PRKX: variants seen among roughly 807,000 people sequenced by gnomAD.
PRKX encodes cAMP-dependent protein kinase catalytic subunit PRKX.
Under a neutral mutation model 22.0 loss-of-function variants are expected in PRKX, and 12 were observed. That is an observed-to-expected ratio of 0.54 (90% confidence interval 0.35 to 0.88). The LOEUF (loss-of-function observed/expected upper bound fraction) is 0.88. Ranked by LOEUF, PRKX falls within the 40% of genes least tolerant of loss-of-function variation. The pLI is 0.01. For synonymous variants in PRKX, 134 were observed against 137.7 expected, an observed-to-expected ratio of 0.97 and a Z score of 0.19; for missense variants, 217 against 308.0, an observed-to-expected ratio of 0.70 and a Z score of 2.21.
chrX:3,693,453 G>A lies in PRKX; in HGVS notation c.167-18687C>T, dbSNP rs187828749. Among the ~76,000 whole-genome samples the A allele has an allele frequency of 1.3e-4, 14 of 111,124 alleles. No individual in the cohort carries two copies. The East Asian group carries it at 2.9e-3, about 23-fold the overall frequency. The stretch of plus-strand genomic sequence containing the variant: ...GGGCATCTACGCAGTGAGTGCTGCC[G>A]ACTTAGGCAAGGTGTGCAGGTGCAC... On this transcript the variant is annotated intron_variant, in intron 1 of 8. Coordinates refer to ENST00000262848, the MANE Select transcript of PRKX (RefSeq NM_005044.5).
At chrX:3,645,734 A>G (rs950848925) in intron 3 of PRKX, among the ~76,000 whole-genome samples, 2 of 111,595 alleles carry the variant, frequency 1.8e-5, no homozygotes, top group Non-Finnish European at 3.8e-5. Flanking sequence ...AGAGTTCCAG[A>G]CCAGCCAAGG....
At chrX:3,623,821 G>A (rs1926607829) in intron 5 of PRKX, among the ~76,000 whole-genome samples, 1 of 111,505 alleles carries the variant, frequency 9.0e-6, no homozygotes, top group African/African-American at 3.3e-5. Context: ...TTCAGGTGTT[G>A]TAAAAAACAC....
In PRKX at chrX:3,658,993, G is replaced by A. The variant is rs180752066; in HGVS notation, c.336-3581C>T. 2.2e-3 allele frequency among the ~76,000 whole-genome samples: 240 copies of A among 111,343 alleles called. 1 individual carries two copies. Among genetic ancestry groups the A allele is most frequent in the African/African-American group, 7.2e-3 (222 of 30,692 alleles). ...CTAAGAAAAATCATAGGCTGGGCAC[G>A]GCGGCTCAATGCCTGTCATTCCAGC... On this transcript the variant is annotated intron_variant, in intron 2 of 8. Coordinates refer to ENST00000262848, the MANE Select transcript of PRKX (RefSeq NM_005044.5).
chrX:3,708,118 G>C (rs896740252), intron 1 of PRKX, among the ~76,000 whole-genome samples: 1 of 111,225 alleles, frequency 9.0e-6, no homozygotes, highest in Non-Finnish European at 1.9e-5. Flanking sequence ...GAGGTGATGA[G>C]GTCGTGAGGT....
chrX:3,678,128 C>A (rs1438255881), intron 1 of PRKX, among the ~76,000 whole-genome samples: 1 of 111,804 alleles, frequency 8.9e-6, no homozygotes, highest in African/African-American at 3.3e-5. Flanking sequence ...ATCAGGAACA[C>A]TGGCATCCAA....
chrX:3,634,392 T>C (rs1273139679), intron 4 of PRKX, among the ~76,000 whole-genome samples: 1 of 110,051 alleles, frequency 9.1e-6, no homozygotes, highest in Admixed American at 9.8e-5. Flanking sequence ...TGTGTGAGGG[T>C]TGGGGCAGAG....
chrX:3,693,800 T>C (rs1398074015), intron 1 of PRKX, among the ~76,000 whole-genome samples: 5 of 106,685 alleles, frequency 4.7e-5, no homozygotes, highest in Admixed American at 1.0e-4. Context: ...ATTAGCCGGG[T>C]GTGGTGGCGG....
chrX:3,700,265 T>TGGAAAAAAC (rs1928531435), intron 1 of PRKX, among the ~76,000 whole-genome samples: 1 of 110,732 alleles, frequency 9.0e-6, no homozygotes, highest in Non-Finnish European at 1.9e-5. Flanking sequence ...CTAAAACGAG[T>TGGAAAAAAC]GGAAAAAACG....
intron 1 of PRKX, among the ~76,000 whole-genome samples, chrX:3,698,290 T>C (rs1444550656): frequency 9.0e-6 from 1 of 111,331 alleles, no homozygotes; most frequent in Non-Finnish European, 1.9e-5. Flanking sequence ...ATGCAAAGCA[T>C]CCTACTGAAA....
At chrX:3,699,363 C>CT (rs1928511518) in intron 1 of PRKX, among the ~76,000 whole-genome samples, 1 of 106,681 alleles carries the variant, frequency 9.4e-6, no homozygotes, top group African/African-American at 3.5e-5. Context: ...TTTTTCTTTT[C>CT]TTTTTTTGAG....
intron 1 of PRKX, among the ~76,000 whole-genome samples, chrX:3,689,160 A>G (rs1928244706): frequency 8.9e-6 from 1 of 112,670 alleles, no homozygotes; most frequent in Non-Finnish European, 1.9e-5. Context: ...CAAAATAATG[A>G]TATCAGAACG....
At chrX:3,710,726 T>A (rs2146617355) in intron 1 of PRKX, among the ~76,000 whole-genome samples, 1 of 112,069 alleles carries the variant, frequency 8.9e-6, no homozygotes, top group East Asian at 2.8e-4. Flanking sequence ...GCAATCTGCA[T>A]ACAGATCCCC....
At chrX:3,645,430 A>G (rs1039676738) in intron 3 of PRKX, among the ~76,000 whole-genome samples, 12 of 111,876 alleles carry the variant, frequency 1.1e-4, no homozygotes, top group African/African-American at 3.9e-4. Flanking sequence ...CCTAAACCCC[A>G]GTATTTGTGA....
At chrX:3,648,865 GGCCA>G (rs1166424506) in intron 3 of PRKX, among the ~76,000 whole-genome samples, 1 of 109,943 alleles carries the variant, frequency 9.1e-6, no homozygotes. Context: ...GATTGCTTGA[GGCCA>G]GGAGTTCAAG....
chrX:3,655,202 C>T lies in PRKX; in HGVS notation c.546G>A (p.Arg182=). The T allele has an allele frequency of 5.8e-6, 7 of 1,212,023 alleles. No homozygotes were observed. The highest frequency in any genetic ancestry group is 7.8e-6 in the Non-Finnish European group (7 of 895,600). ...AGTCCGTGAGCTTAATGTGGCCATC[C>T]CTATCCAGCAGGATGTTCTCTGGCT... ...DLKPENILLD[R]DGHIKLTDFG... is the part of the protein sequence containing the mutation. The change falls in exon 3 of 9, where the codon AGG becomes AGA. Residue 182 remains arginine (R), a synonymous_variant. Coordinates refer to ENST00000262848, the MANE Select transcript of PRKX (RefSeq NM_005044.5).
chrX:3,622,973 A>G (rs1302011851), intron 5 of PRKX, among the ~76,000 whole-genome samples: 2 of 111,984 alleles, frequency 1.8e-5, no homozygotes, highest in Non-Finnish European at 3.8e-5. Flanking sequence ...GAGTGCAATT[A>G]TAAGACAGGT....
intron 1 of PRKX, among the ~76,000 whole-genome samples, chrX:3,683,332 G>C (rs972316527): frequency 5.4e-5 from 6 of 111,424 alleles, no homozygotes; most frequent in African/African-American, 2.0e-4. Context: ...AGGCTTCCAG[G>C]GTGGTCTGAA....
intron 3 of PRKX, among the ~76,000 whole-genome samples, chrX:3,647,618 C>T (rs1297008052): frequency 9.6e-6 from 1 of 104,494 alleles, no homozygotes; most frequent in Non-Finnish European, 1.9e-5. Flanking sequence ...AATTTAATGT[C>T]GGATATATTA....
chrX:3,612,356 G>A, intron 7 of PRKX, 31 bp from the exon 8 acceptor site: 1 of 1,193,260 alleles, frequency 8.4e-7, no homozygotes, highest in Non-Finnish European at 1.1e-6. Context: ...ACAAAGGCAT[G>A]GTTAGAAAGG....
Sources: allele counts gnomAD v4.1 joint callset (sites outside exome capture counted in the v4.1 genomes callset), GRCh38; gene constraint gnomAD v4.1.1; transcripts MANE v1.5; gene names NCBI Gene and HGNC (gene_info 2026-07-23, HGNC 2026-07-21).